The following EXTL3 variants were observed in gnomAD, a reference collection of about 807,000 sequenced individuals.
EXTL3 encodes the protein exostosin-like 3.
EXTL3 carries 27 observed loss-of-function variants against 69.3 expected under a neutral mutation model. The observed-to-expected ratio is 0.39, with a 90% confidence interval of 0.29 to 0.54. EXTL3 has a LOEUF of 0.54. EXTL3 is among the 20% of genes least tolerant of loss of function. The pLI is 0.69. For synonymous variants in EXTL3, 511 were observed against 499.4 expected (o/e 1.02, Z -0.31); for missense variants, 1,003 against 1,231.8 (o/e 0.81, Z 2.78).
upstream of EXTL3, among the ~76,000 whole-genome samples, chr8:28,620,271 C>A (rs983458945): frequency 1.3e-5 from 2 of 152,172 alleles, no homozygotes; most frequent in Non-Finnish European, 2.9e-5. Flanking sequence ...GTCCCCACCA[C>A]CTCAGCAGGC....
At chr8:28,748,948 C>G (rs1021280288) in intron 6 of EXTL3, among the ~76,000 whole-genome samples, 2 of 151,832 alleles carry the variant, frequency 1.3e-5, no homozygotes. Context: ...AGGGAAAAAA[C>G]AAAAAAGAAA....
chr8:28,751,925 C>T lies in EXTL3; in HGVS notation c.*1059C>T, dbSNP rs976317753. 3.3e-5 allele frequency: 5 copies of T among 152,148 alleles called. No individual in the cohort carries two copies. Among genetic ancestry groups the T allele is most frequent in the Admixed American group, 2.6e-4 (4 of 15,268 alleles). The allele number at this position is 152,148 out of a possible 1,614,324, so 9.4% of individuals were successfully genotyped here. ...TAGTGTAGAGCAAGCCAGTGTCCTT[C>T]GAGGAACCCACCCGGCTGGCCGGGA... On this transcript the variant is annotated 3_prime_UTR_variant, in exon 7 of 7. Coordinates refer to ENST00000220562, the MANE Select transcript of EXTL3 (RefSeq NM_001440.4).
chr8:28,730,534 T>A (rs959763745), intron 3 of EXTL3, among the ~76,000 whole-genome samples: 5 of 152,238 alleles, frequency 3.3e-5, no homozygotes, highest in African/African-American at 1.2e-4. Flanking sequence ...TATGTAGTTG[T>A]ACTATTTGAA....
At chr8:28,679,555 C>G (rs970754648) in intron 1 of EXTL3, among the ~76,000 whole-genome samples, 1 of 151,954 alleles carries the variant, frequency 6.6e-6, no homozygotes, top group African/African-American at 2.4e-5. Context: ...CTGGGCAACA[C>G]AGGGAGACCC....
At chr8:28,659,124 T>C (rs1356689267) in intron 1 of EXTL3, among the ~76,000 whole-genome samples, 3 of 152,228 alleles carry the variant, frequency 2.0e-5, no homozygotes, top group Non-Finnish European at 4.4e-5. Context: ...TGTGGCCCAC[T>C]TCCCTCCATG....
chr8:28,728,118 G>A (rs1017680051), intron 3 of EXTL3, among the ~76,000 whole-genome samples: 4 of 152,206 alleles, frequency 2.6e-5, no homozygotes, highest in African/African-American at 9.7e-5. Context: ...TGTTCGAGGG[G>A]AGTTTGTTGA....
intron 1 of EXTL3, among the ~76,000 whole-genome samples, chr8:28,625,747 C>T (rs147282688): frequency 1.2e-4 from 19 of 152,046 alleles, no homozygotes; most frequent in African/African-American, 3.1e-4. Context: ...GATGTCTGCT[C>T]GTAGTGCTAT....
chr8:28,723,532 G>A (rs1585280119), intron 3 of EXTL3, among the ~76,000 whole-genome samples: 1 of 152,028 alleles, frequency 6.6e-6, no homozygotes, highest in East Asian at 1.9e-4. Flanking sequence ...CTTAGTGTAT[G>A]TGTACTCTTT....
intron 1 of EXTL3, among the ~76,000 whole-genome samples, chr8:28,691,753 C>T (rs1410629957): frequency 1.3e-5 from 2 of 151,670 alleles, no homozygotes; most frequent in East Asian, 3.9e-4. Flanking sequence ...CAAAATTAGC[C>T]AGGCGTGGTG....
At position 28,750,679 on chromosome 8, in the gene EXTL3, G is replaced by A. The variant is rs2130806093; in HGVS notation, c.2573G>A (p.Arg858Gln). 3 of 1,614,052 alleles carry A rather than the reference G, an allele frequency of 1.9e-6. No homozygotes were observed. Among genetic ancestry groups the A allele is most frequent in the Non-Finnish European group, 2.5e-6 (3 of 1,179,958 alleles). The change falls in exon 7 of 7, where the codon CGA becomes CAA. Residue 858 changes from arginine (R) to glutamine (Q), a missense_variant. Transcript: ENST00000220562. This position sits in a 1 kb window ranked among gnomAD's most constrained non-coding sequence, Gnocchi z 5.2. The stretch of plus-strand genomic sequence containing the variant: ...CAGGTGACCTCACGGTGGACATTCC[G>A]ATGCCCAGGATGCCCTCAGGCCCTG... ...PIKVTSRWTF[R>Q]CPGCPQALSH... is the part of the protein sequence containing the mutation.
At chr8:28,666,285 CTTTT>C (rs925342188) in intron 1 of EXTL3, among the ~76,000 whole-genome samples, 5 of 151,708 alleles carry the variant, frequency 3.3e-5, no homozygotes, top group Non-Finnish European at 7.4e-5. Context: ...TTCCTTCTTT[CTTTT>C]TGTTTTTAGA....
In EXTL3 at chr8:28,751,312, G is replaced by C. The variant is rs918695645; in HGVS notation, c.*446G>C. On this transcript the variant is annotated 3_prime_UTR_variant, in exon 7 of 7. Coordinates refer to ENST00000220562, the MANE Select transcript of EXTL3 (RefSeq NM_001440.4). ...GCATACATATATATTTTTGGCTGGGGGAGTGTGAGTTTTGCCTTTCTAAGG... is the reference window on the plus strand; with the variant it reads ...GCATACATATATATTTTTGGCTGGGCGAGTGTGAGTTTTGCCTTTCTAAGG... 5.6e-6 allele frequency: 1 copy of C among 178,346 alleles called. No individual in the cohort carries two copies. Among genetic ancestry groups the C allele is most frequent in the Non-Finnish European group, 1.2e-5 (1 of 82,714 alleles). The allele number at this position is 178,346 out of a possible 1,614,324, so 11.0% of individuals were successfully genotyped here.
At chr8:28,707,530 G>T (rs1384754705) in intron 1 of EXTL3, among the ~76,000 whole-genome samples, 1 of 152,212 alleles carries the variant, frequency 6.6e-6, no homozygotes, top group Non-Finnish European at 1.5e-5. Flanking sequence ...GTTAGCTAAG[G>T]GATAGTGCTG....
At chr8:28,726,173 C>G (rs1042584002) in intron 3 of EXTL3, among the ~76,000 whole-genome samples, 4 of 152,106 alleles carry the variant, frequency 2.6e-5, no homozygotes, top group Admixed American at 2.6e-4. Flanking sequence ...CCAGGATGGT[C>G]TGGATCTCTT....
rs937742361 is a variant in EXTL3, at chr8:28,660,766, C to T, written c.-53+37956C>T. Among the ~76,000 whole-genome samples, 9 of 151,024 alleles carry T rather than the reference C, an allele frequency of 6.0e-5. No individual in the cohort carries two copies. In the East Asian group the frequency reaches 1.2e-3, roughly 19 times the overall value. On this transcript the variant is annotated intron_variant, in intron 1 of 6. Coordinates refer to the EXTL3 transcript ENST00000523149. The stretch of plus-strand genomic sequence containing the variant: ...CCTTTGATTCTCACTATTCTGTGTG[C>T]CTCACATAGGCACGTACAATATTAC...
At chr8:28,626,199 A>T (rs1033729077) in intron 1 of EXTL3, among the ~76,000 whole-genome samples, 2 of 151,620 alleles carry the variant, frequency 1.3e-5, no homozygotes, top group South Asian at 2.1e-4. Flanking sequence ...AACTAAAAAA[A>T]TTTTTTAAAT....
upstream of EXTL3, chr8:28,697,846 A>G (rs1355728493): frequency 6.6e-6 from 1 of 151,914 alleles, no homozygotes; most frequent in Non-Finnish European, 1.5e-5. Context: ...GAAAAAAAAA[A>G]AAAAACTACA....
chr8:28,751,024 A>G lies in EXTL3; in HGVS notation c.*158A>G, dbSNP rs1163148643. The G allele has an allele frequency of 1.5e-6, 1 of 661,490 alleles. No individual in the cohort carries two copies. Among genetic ancestry groups the G allele is most frequent in the Non-Finnish European group, 2.6e-6 (1 of 383,510 alleles). 41.0% of individuals were successfully genotyped at this position (661,490 alleles called of 1,614,324 possible). Reference sequence around the variant, plus strand: ...GGAGTGGAAGGAAACCGCTGCCTTTATCTTGAAGTCAGCCACACTGGGCCT... The same window carrying G: ...GGAGTGGAAGGAAACCGCTGCCTTTGTCTTGAAGTCAGCCACACTGGGCCT... On this transcript the variant is annotated 3_prime_UTR_variant, in exon 7 of 7. Transcript: ENST00000220562.
intron 1 of EXTL3, among the ~76,000 whole-genome samples, chr8:28,661,126 G>T (rs1807107506): frequency 6.6e-6 from 1 of 151,634 alleles, no homozygotes; most frequent in Non-Finnish European, 1.5e-5. Context: ...TGTTAGCCAG[G>T]ATGGTCTCGA....
Sources: gnomAD v4.1 joint callset for allele counts (sites outside exome capture counted in the v4.1 genomes callset) on GRCh38, gnomAD v4.1.1 for gene constraint, Gnocchi (gnomAD v3.1) non-coding constraint, MANE v1.5 for transcripts, NCBI Gene and HGNC (gene_info 2026-07-23, HGNC 2026-07-21) for gene names.